ATP2A2: variants seen among roughly 807,000 people sequenced by gnomAD.
The protein encoded by ATP2A2 is ATPase sarcoplasmic/endoplasmic reticulum Ca2+ transporting 2.
In ATP2A2, 14 loss-of-function variants were observed where a neutral mutation model predicts 109.3. The ratio of observed to expected loss-of-function variants is 0.13; its 90% CI spans 0.08 to 0.20. The LOEUF (loss-of-function observed/expected upper bound fraction) is 0.20, where lower values mean the gene tolerates loss of function less well. Among genes scored for constraint, ATP2A2 ranks in the 10% least tolerant of loss-of-function variants. The probability of loss-of-function intolerance (pLI) is 1.00; values close to 1 mark genes in which losing one functional copy is unlikely to be tolerated. For missense variants in ATP2A2, 657 were observed against 1,321.6 expected (o/e 0.50, Z 7.80); for synonymous variants, 506 against 490.9 (o/e 1.03, Z -0.41).
At position 110,332,644 on chromosome 12, in the gene ATP2A2, G is replaced by A. The variant is rs370059850; in HGVS notation, c.1143G>A (p.Glu381=). 2 of 1,613,792 alleles carry A rather than the reference G, an allele frequency of 1.2e-6. No individual in the cohort carries two copies. The highest frequency in any genetic ancestry group is 1.7e-5 in the Admixed American group (1 of 60,022). Residue 381 remains glutamate (E), a synonymous_variant, in exon 9 of 20, where the codon GAG becomes GAA. Transcript: ENST00000539276. Reference sequence around the variant, plus strand: ...AAGGTGATACTTGTTCCCTTAATGAGTTTACCATAACTGGATCAACTTATG... The same window carrying A: ...AAGGTGATACTTGTTCCCTTAATGAATTTACCATAACTGGATCAACTTATG... The part of the protein sequence containing the change: ...RVEGDTCSLN[E]FTITGSTYAP...
Position 110,349,053 on chromosome 12 carries a change from C to A in ATP2A2, c.*2583C>A. The A allele has an allele frequency of 1.0e-6, 1 of 985,472 alleles. No individual in the cohort carries two copies. The highest frequency in any genetic ancestry group is 1.2e-6 in the Non-Finnish European group (1 of 829,990). 61.0% of individuals were successfully genotyped at this position (985,472 alleles called of 1,614,324 possible). On this transcript the variant is annotated 3_prime_UTR_variant, in exon 20 of 20. Transcript: ENST00000539276. The stretch of plus-strand genomic sequence containing the variant: ...AGCTTCATGGTTTCTCAGCTTCAGA[C>A]CCCTCCAGCCCACAGAGGAGCCCAT...
chr12:110,296,494 T>G, intron 4 of ATP2A2, 105 bp from the exon 5 acceptor site: 2 of 1,440,418 alleles, frequency 1.4e-6, no homozygotes, highest in Non-Finnish European at 1.9e-6. Context: ...ACTGGTGGGC[T>G]TCCTTTCTTT....
chr12:110,346,827 T>C lies in ATP2A2; in HGVS notation c.*357T>C. 1.8e-6 allele frequency: 2 copies of C among 1,132,046 alleles called. No individual in the cohort carries two copies. Among genetic ancestry groups the C allele is most frequent in the Non-Finnish European group, 2.2e-6 (2 of 918,608 alleles). The allele number at this position is 1,132,046 out of a possible 1,614,324, so 70.1% of individuals were successfully genotyped here. A position where few individuals can be genotyped will look rare whatever the true frequency, so the allele number is the denominator to read the frequency against. On this transcript the variant is annotated 3_prime_UTR_variant, in exon 20 of 20. Coordinates refer to ENST00000539276, the MANE Select transcript of ATP2A2 (RefSeq NM_170665.4). The stretch of plus-strand genomic sequence containing the variant: ...TTAATTGGCAGCAGATTTTAGGAAA[T>C]GAATGTGTGTGGTTTTTTTTCTAAA...
At chr12:110,308,499 G>A (rs975515375) in intron 5 of ATP2A2, among the ~76,000 whole-genome samples, 5 of 152,192 alleles carry the variant, frequency 3.3e-5, no homozygotes, top group African/African-American at 1.2e-4. Context: ...GGACCAGCAG[G>A]TCATTGAATT....
At position 110,347,697 on chromosome 12, in the gene ATP2A2, C is replaced by A. The variant is rs1592871843; in HGVS notation, c.*1227C>A. Reference sequence around the variant, plus strand: ...ACCGTTACTACGATCAATGTTTGCGCATGTTCGAGATGAGTCTCACCAACA... The same window carrying A: ...ACCGTTACTACGATCAATGTTTGCGAATGTTCGAGATGAGTCTCACCAACA... On this transcript the variant is annotated 3_prime_UTR_variant, in exon 20 of 20. Transcript: ENST00000539276. The A allele has an allele frequency of 8.6e-7, 1 of 1,168,680 alleles. No individual in the cohort carries two copies. Among genetic ancestry groups the A allele is most frequent in the African/African-American group, 1.6e-5 (1 of 62,414 alleles). The allele number at this position is 1,168,680 out of a possible 1,614,324, so 72.4% of individuals were successfully genotyped here. A position where few individuals can be genotyped will look rare whatever the true frequency, so the allele number is the denominator to read the frequency against.
rs959582039 is a variant in ATP2A2, at chr12:110,281,572, C to A, written c.-218C>A. On this transcript the variant is annotated 5_prime_UTR_variant, in exon 1 of 20. Transcript: ENST00000539276. The stretch of plus-strand genomic sequence containing the variant: ...GAGGGTGGGTCAGGAGCCCCCAACC[C>A]GCCCTGCGGAGCTCGGGGCCGCGCG... The A allele has an allele frequency of 1.6e-4, 49 of 314,658 alleles. No individual in the cohort carries two copies. In the Middle Eastern group the frequency reaches 2.7e-3, roughly 18 times the overall value. The allele number at this position is 314,658 out of a possible 1,614,324, so 19.5% of individuals were successfully genotyped here.
At chr12:110,302,640 T>C (rs1874804305) in intron 5 of ATP2A2, among the ~76,000 whole-genome samples, 1 of 151,838 alleles carries the variant, frequency 6.6e-6, no homozygotes, top group Admixed American at 6.6e-5. Context: ...CACTCTGCTG[T>C]GCAGGCTGGA....
chr12:110,347,044 A>AC lies in ATP2A2; in HGVS notation c.*576dup. ...ACCCCACCCCACCCCACCTCTCCCC[A>AC]CCTTACCCCCGCCCCGCTTGGCTTC... On this transcript the variant is annotated 3_prime_UTR_variant, in exon 20 of 20. Transcript: ENST00000539276. 1 of 258,634 alleles carries AC rather than the reference A, an allele frequency of 3.9e-6. No individual in the cohort carries two copies. Among genetic ancestry groups the AC allele is most frequent in the Non-Finnish European group, 4.5e-6 (1 of 220,160 alleles). The allele number at this position is 258,634 out of a possible 1,614,324, so 16.0% of individuals were successfully genotyped here.
chr12:110,339,145 T>C lies in ATP2A2; in HGVS notation c.1420-136T>C. 1 of 1,238,638 alleles carries C rather than the reference T, an allele frequency of 8.1e-7. No individual in the cohort carries two copies. The highest frequency in any genetic ancestry group is 1.3e-5 in the South Asian group (1 of 79,976). The allele number at this position is 1,238,638 out of a possible 1,614,324, so 76.7% of individuals were successfully genotyped here. A position where few individuals can be genotyped will look rare whatever the true frequency, so the allele number is the denominator to read the frequency against. ...CTCCCAAAATAGGGGACAAGTTTCA[T>C]GAGGGCAAAAACCTGTCTGTTTTGT... is the stretch of plus-strand genomic sequence containing the variant. On this transcript the variant is annotated intron_variant, in intron 11 of 19. Coordinates refer to ENST00000539276, the MANE Select transcript of ATP2A2 (RefSeq NM_170665.4). The surrounding 1 kb of genome is among the most constrained non-coding windows in gnomAD (Gnocchi z 4.4).
At position 110,349,188 on chromosome 12, in the gene ATP2A2, A is replaced by ACTT. The variant is rs1190050098; in HGVS notation, c.*2720_*2722dup. 4.1e-6 allele frequency: 4 copies of ACTT among 985,442 alleles called. No individual in the cohort carries two copies. Among genetic ancestry groups the ACTT allele is most frequent in the Non-Finnish European group, 4.8e-6 (4 of 830,058 alleles). 61.0% of individuals were successfully genotyped at this position (985,442 alleles called of 1,614,324 possible). A position where few individuals can be genotyped will look rare whatever the true frequency, so the allele number is the denominator to read the frequency against. ...ACTGAAGGCTTTGCTGGGTGAAAAC[A>ACTT]CTTCAGCATCTCCTCCTCAGGTCAA... On this transcript the variant is annotated 3_prime_UTR_variant, in exon 20 of 20. Coordinates refer to ENST00000539276, the MANE Select transcript of ATP2A2 (RefSeq NM_170665.4).
Position 110,328,031 on chromosome 12 carries a change from T to G in ATP2A2, c.1095+14T>G, listed in dbSNP as rs764627069. ...TCAGTCTGCAGGGTAAGAGGAGTAA[T>G]TTAGAATATTCCGTGTCGTGGTTCT... is the stretch of plus-strand genomic sequence containing the variant. On this transcript the variant is annotated intron_variant, in intron 8 of 19. Transcript: ENST00000539276. 12 of 1,607,314 alleles carry G rather than the reference T, an allele frequency of 7.5e-6. No homozygotes were observed. The highest frequency in any genetic ancestry group is 1.0e-5 in the Non-Finnish European group (12 of 1,175,678).
At chr12:110,291,119 G>A (rs1249945024) in intron 3 of ATP2A2, among the ~76,000 whole-genome samples, 1 of 152,038 alleles carries the variant, frequency 6.6e-6, no homozygotes, top group African/African-American at 2.4e-5. Context: ...TGTTGGTCAG[G>A]CTGGTCTCGA....
intron 6 of ATP2A2, among the ~76,000 whole-genome samples, chr12:110,323,792 C>CA (rs1159148884): frequency 1.3e-5 from 2 of 151,456 alleles, no homozygotes; most frequent in African/African-American, 2.4e-5. Flanking sequence ...ACTCTGTCTC[C>CA]AAAAAAAAGT....
chr12:110,347,150 T>C lies in ATP2A2; in HGVS notation c.*680T>C. 8.4e-7 allele frequency: 1 copy of C among 1,184,428 alleles called. No individual in the cohort carries two copies. The highest frequency in any genetic ancestry group is 1.1e-6 in the Non-Finnish European group (1 of 940,820). The allele number at this position is 1,184,428 out of a possible 1,614,324, so 73.4% of individuals were successfully genotyped here. Reference sequence around the variant, plus strand: ...CCTGTACTCGCTTGTGCAGAAAACATTGTTCCAGATTCAATCGACTGGGTT... The same window carrying C: ...CCTGTACTCGCTTGTGCAGAAAACACTGTTCCAGATTCAATCGACTGGGTT... On this transcript the variant is annotated 3_prime_UTR_variant, in exon 20 of 20. Coordinates refer to ENST00000539276, the MANE Select transcript of ATP2A2 (RefSeq NM_170665.4).
At chr12:110,343,502 C>T (rs1879555035) in intron 16 of ATP2A2, 68 bp downstream of exon 16, 2 of 1,565,304 alleles carry the variant, frequency 1.3e-6, no homozygotes, top group African/African-American at 1.4e-5. Flanking sequence ...TTTGTAAATT[C>T]ATCCCTTAAA....
At chr12:110,345,168 G>C in intron 17 of ATP2A2, 81 bp from the exon 18 acceptor site, 6 of 1,605,732 alleles carry the variant, frequency 3.7e-6, no homozygotes, top group Non-Finnish European at 5.1e-6. Flanking sequence ...AGGCTGGTCT[G>C]TGCTAGGCTT....
In ATP2A2 at chr12:110,340,793, G is replaced by A. The variant is rs1469449258; in HGVS notation, c.1896G>A (p.Val632=). The A allele has an allele frequency of 6.2e-7, 1 of 1,614,162 alleles. No homozygotes were observed. Among genetic ancestry groups the A allele is most frequent in the South Asian group, 1.1e-5 (1 of 91,082 alleles). The change falls in exon 14 of 20, where the codon GTG becomes GTA. Residue 632 remains valine (V), a synonymous_variant. Coordinates refer to ENST00000539276, the MANE Select transcript of ATP2A2 (RefSeq NM_170665.4). This position sits in a 1 kb window ranked among gnomAD's most constrained non-coding sequence, Gnocchi z 6.0. ...CTGGGGACAACAAGGGCACTGCTGTGGCCATCTGTCGCCGCATCGGCATCT... is the reference window on the plus strand; with the variant it reads ...CTGGGGACAACAAGGGCACTGCTGTAGCCATCTGTCGCCGCATCGGCATCT... The part of the protein sequence containing the change: ...MITGDNKGTA[V]AICRRIGIFG...
At position 110,298,276 on chromosome 12, in the gene ATP2A2, T is replaced by C. The variant is rs1874179308; in HGVS notation, c.463+1539T>C. 2.0e-5 allele frequency among the ~76,000 whole-genome samples: 3 copies of C among 152,194 alleles called. No individual in the cohort carries two copies. In the South Asian group the frequency reaches 6.2e-4, roughly 32 times the overall value. On this transcript the variant is annotated intron_variant, in intron 5 of 19. Coordinates refer to ENST00000539276, the MANE Select transcript of ATP2A2 (RefSeq NM_170665.4). ...TTGTTCCTCCAGAAAAAAAGGATAG[T>C]GTTACATATATGCCAGTAAGCCAAT...
rs1172417741 is a variant in ATP2A2, at chr12:110,349,575, A to G, written c.*3105A>G. 1.0e-6 allele frequency: 1 copy of G among 986,420 alleles called. No homozygotes were observed. Among genetic ancestry groups the G allele is most frequent in the Non-Finnish European group, 1.2e-6 (1 of 830,738 alleles). The allele number at this position is 986,420 out of a possible 1,614,324, so 61.1% of individuals were successfully genotyped here. On this transcript the variant is annotated 3_prime_UTR_variant, in exon 20 of 20. Transcript: ENST00000539276. ...AGGGCATCTGGCCGACTTCCCTCAC[A>G]ACAGCTGCTCCCACATCCCCTCGGA...
Sources: allele counts gnomAD v4.1 joint callset (sites outside exome capture counted in the v4.1 genomes callset), GRCh38; gene constraint gnomAD v4.1.1; non-coding constraint Gnocchi (gnomAD v3.1); transcripts MANE v1.5; gene names NCBI Gene and HGNC (gene_info 2026-07-23, HGNC 2026-07-21).